The following TM7SF3 variants were observed in gnomAD, a reference collection of about 807,000 sequenced individuals.
TM7SF3 encodes seven span transmembrane protein.
TM7SF3 carries 60 observed loss-of-function variants against 65.5 expected under a neutral mutation model. The observed-to-expected ratio is 0.92, with a 90% confidence interval of 0.74 to 1.14. The LOEUF is 1.14. Ranked by LOEUF, TM7SF3 falls within the 50% of genes most tolerant of loss-of-function variation. The pLI is 0.00. For missense variants in TM7SF3, 623 were observed against 684.8 expected (o/e 0.91, Z 1.01); for synonymous variants, 264 against 259.6 (o/e 1.02, Z -0.16).
At chr12:27,000,640 T>C (rs1020102458) in intron 2 of TM7SF3, among the ~76,000 whole-genome samples, 1 of 152,102 alleles carries the variant, frequency 6.6e-6, no homozygotes, top group Non-Finnish European at 1.5e-5. Context: ...TTTGTACTTT[T>C]AGTAGAGACG....
chr12:26,995,836 A>G (rs1449510565), intron 4 of TM7SF3, among the ~76,000 whole-genome samples: 1 of 152,186 alleles, frequency 6.6e-6, no homozygotes, highest in Non-Finnish European at 1.5e-5. Context: ...TGGCATCCTG[A>G]TCGTGGACTT....
chr12:26,976,763 T>TA, intron 9 of TM7SF3, among the ~76,000 whole-genome samples: 1 of 152,224 alleles, frequency 6.6e-6, no homozygotes, highest in South Asian at 2.1e-4. Flanking sequence ...TACTGCAAAA[T>TA]AAAAAATACA....
chr12:26,995,541 A>C, intron 4 of TM7SF3, 133 bp from the exon 5 acceptor site: 1 of 921,772 alleles, frequency 1.1e-6, no homozygotes, highest in Non-Finnish European at 1.7e-6. Flanking sequence ...TTGCAGTGGC[A>C]ACAATTGGTA....
chr12:26,992,575 T>C lies in TM7SF3; in HGVS notation c.691-1948A>G, dbSNP rs566182649. On this transcript the variant is annotated intron_variant, in intron 5 of 11. Transcript: ENST00000343028. ...CTGGGATTACAGGCGTGAGCCACCA[T>C]GTCCGGCCCACAAATGCTATTTTAT... Among the ~76,000 whole-genome samples the C allele has an allele frequency of 1.5e-3, 222 of 152,328 alleles. 1 individual carries two copies. The highest frequency in any genetic ancestry group is 2.1e-3 in the Non-Finnish European group (145 of 68,036).
rs371841384 is a variant in TM7SF3 at position 26,995,355 on chromosome 12, C to T, written c.572G>A (p.Arg191Lys). The T allele has an allele frequency of 1.2e-6, 2 of 1,614,216 alleles. No individual in the cohort carries two copies. Among genetic ancestry groups the T allele is most frequent in the South Asian group, 2.2e-5 (2 of 91,086 alleles). Residue 191 changes from arginine to lysine, a missense_variant, in exon 5 of 12, where the codon AGG (arginine) becomes AAG (lysine). Physicochemically the swap from Arg to Lys is conservative, Grantham distance 26. Coordinates refer to ENST00000343028, the MANE Select transcript of TM7SF3 (RefSeq NM_016551.3). ...ATACTGATAGACATCATACTGCAAC[C>T]TCCACCTGGAGTCCTGGTCTGTCCC... ...DAGTDQDSRW[R>K]LQYDVYQYFL...
intron 5 of TM7SF3, 114 bp downstream of exon 5, chr12:26,995,123 G>T (rs1242123260): frequency 9.6e-7 from 1 of 1,039,130 alleles, no homozygotes; most frequent in Non-Finnish European, 1.4e-6. Context: ...TAAAGTGAGT[G>T]TCCCCCAAAA....
intron 5 of TM7SF3, among the ~76,000 whole-genome samples, chr12:26,990,890 T>C (rs1940326123): frequency 6.6e-6 from 1 of 152,188 alleles, no homozygotes; most frequent in Non-Finnish European, 1.5e-5. Flanking sequence ...GTATAAATGC[T>C]AGTTACGACC....
intron 10 of TM7SF3, among the ~76,000 whole-genome samples, chr12:26,975,951 A>G (rs986106116): frequency 5.3e-5 from 8 of 152,244 alleles, no homozygotes; most frequent in Non-Finnish European, 1.2e-4. Flanking sequence ...ACTCTTCTGA[A>G]GCCAGTTGAA....
intron 8 of TM7SF3, chr12:26,980,215 C>T (rs983424355): frequency 1.5e-4 from 86 of 561,826 alleles, no homozygotes; most frequent in Non-Finnish European, 2.3e-4. Context: ...GACAAGCATT[C>T]TGTTAAACAT....
intron 5 of TM7SF3, among the ~76,000 whole-genome samples, chr12:26,992,810 A>G (rs542299833): frequency 2.0e-5 from 3 of 152,156 alleles, no homozygotes; most frequent in South Asian, 4.1e-4. Context: ...GACCATCTGT[A>G]TAAGAATATT....
intron 1 of TM7SF3, among the ~76,000 whole-genome samples, chr12:27,007,540 A>T (rs1466313557): frequency 6.6e-6 from 1 of 152,178 alleles, no homozygotes; most frequent in African/African-American, 2.4e-5. Context: ...GGATTAAAAA[A>T]AAAACAGAAC....
intron 4 of TM7SF3, among the ~76,000 whole-genome samples, chr12:26,995,819 A>G (rs1330863022): frequency 6.6e-6 from 1 of 152,200 alleles, no homozygotes; most frequent in East Asian, 1.9e-4. Flanking sequence ...CCAGAACTCA[A>G]CTGTGCTGGC....
At chr12:27,003,200 G>C in intron 2 of TM7SF3, 36 bp downstream of exon 2, 3 of 1,500,392 alleles carry the variant, frequency 2.0e-6, no homozygotes, top group Non-Finnish European at 2.7e-6. Context: ...CCAAAATATA[G>C]AAATGATTTT....
At chr12:26,988,443 C>T (rs1003251702) in intron 6 of TM7SF3, among the ~76,000 whole-genome samples, 16 of 152,102 alleles carry the variant, frequency 1.1e-4, no homozygotes, top group African/African-American at 2.9e-4. Flanking sequence ...GGATTACAGG[C>T]GTGAGACACT....
At chr12:26,996,117 C>G (rs1940584976) in intron 4 of TM7SF3, among the ~76,000 whole-genome samples, 1 of 150,958 alleles carries the variant, frequency 6.6e-6, no homozygotes, top group Non-Finnish European at 1.5e-5. Context: ...AGTTCAAGAC[C>G]AGCCAGGGCA....
chr12:26,995,401 C>A lies in TM7SF3; in HGVS notation c.526G>T (p.Asp176Tyr). 1 of 1,614,074 alleles carries A rather than the reference C, an allele frequency of 6.2e-7. No individual in the cohort carries two copies. The highest frequency in any genetic ancestry group is 2.2e-5 in the East Asian group (1 of 44,898). Residue 176 changes from aspartate (D) to tyrosine (Y), a missense_variant, in exon 5 of 12, where the codon GAT becomes TAT. By Grantham distance (160) the Asp-to-Tyr change is radical. Coordinates refer to ENST00000343028, the MANE Select transcript of TM7SF3 (RefSeq NM_016551.3). ...GTCCCAGCGTCACATGGTGGGGGATCTACGCCTCTAAAGTCAACCAACAAA... is the reference window on the plus strand; with the variant it reads ...GTCCCAGCGTCACATGGTGGGGGATATACGCCTCTAAAGTCAACCAACAAA... ...PANLGYARGV[D>Y]PPPCDAGTDQ...
At chr12:26,988,078 G>C (rs1293941135) in intron 6 of TM7SF3, among the ~76,000 whole-genome samples, 1 of 146,890 alleles carries the variant, frequency 6.8e-6, no homozygotes, top group Non-Finnish European at 1.5e-5. Context: ...AAAAAAAAAA[G>C]ACTTGTTCCA....
At position 26,999,627 on chromosome 12, in the gene TM7SF3, A is replaced by C. The variant is rs773802185; in HGVS notation, c.296T>G (p.Phe99Cys). ...SETGTASGLVFILRPEQSTCT... is the reference protein window; with the variant it reads ...SETGTASGLVCILRPEQSTCT... ...TGTACTCTGCTCTGGTCTAAGGATG[A>C]AAACCAGTCCACTGGCAGTGCCTGT... The change falls in exon 3 of 12, where the codon TTC becomes TGC. Residue 99 changes from phenylalanine (F) to cysteine (C), a missense_variant. Transcript: ENST00000343028. 6.2e-7 allele frequency: 1 copy of C among 1,614,174 alleles called. No homozygotes were observed. The highest frequency in any genetic ancestry group is 8.5e-7 in the Non-Finnish European group (1 of 1,180,022).
intron 11 of TM7SF3, 69 bp downstream of exon 11, chr12:26,975,427 C>G: frequency 6.5e-7 from 1 of 1,531,846 alleles, no homozygotes; most frequent in Non-Finnish European, 8.9e-7. Context: ...TCCAAGTGCT[C>G]TGGTTAGCAT....
Sources: allele counts gnomAD v4.1 joint callset (sites outside exome capture counted in the v4.1 genomes callset), GRCh38; gene constraint gnomAD v4.1.1; transcripts MANE v1.5; gene names NCBI Gene and HGNC (gene_info 2026-07-23, HGNC 2026-07-21).